Variants in CD84 observed in about 807,000 individuals in gnomAD.
The protein encoded by CD84 is CD84 molecule, also known as SLAM family member 5.
Under a neutral mutation model 33.8 loss-of-function variants are expected in CD84, and 22 were observed. The ratio of observed to expected loss-of-function variants is 0.65; its 90% confidence interval spans 0.46 to 0.93. CD84 has a LOEUF of 0.93. Among genes scored for constraint, CD84 ranks in the 40% least tolerant of loss-of-function variants. The pLI is 0.00. For synonymous variants in CD84, 154 were observed against 145.2 expected (o/e 1.06, Z -0.44); for missense variants, 400 against 397.6 (o/e 1.01, Z -0.05).
At chr1:160,553,541 G>T in intron 3 of CD84, 44 bp from the exon 4 acceptor site, 1 of 1,611,014 alleles carries the variant, frequency 6.2e-7, no homozygotes, top group Non-Finnish European at 8.5e-7. Flanking sequence ...CAGGAAATAG[G>T]CCCAAGAGGC....
intron 3 of CD84, 46 bp from the exon 4 acceptor site, chr1:160,553,543 C>T (rs1391215484): frequency 1.2e-6 from 2 of 1,610,894 alleles, no homozygotes; most frequent in Non-Finnish European, 1.7e-6. Flanking sequence ...GGAAATAGGC[C>T]CAAGAGGCTG....
At chr1:160,567,311 C>T (rs902580275) in intron 1 of CD84, among the ~76,000 whole-genome samples, 5 of 152,208 alleles carry the variant, frequency 3.3e-5, no homozygotes, top group East Asian at 1.9e-4. Flanking sequence ...TATGGCTACC[C>T]TTGCTCTTCA....
Position 160,541,991 on chromosome 1 carries a change from C to G in CD84, c.*6265G>C, listed in dbSNP as rs1655566098. ...GAAGTTGGAATTGACAGGACCTATT[C>G]TCTGACTAGATGTAGAGGGGATCTG... is the stretch of plus-strand genomic sequence containing the variant. On this transcript the variant is annotated 3_prime_UTR_variant, in exon 7 of 7. Transcript: ENST00000368054. 6.6e-6 allele frequency: 1 copy of G among 152,226 alleles called. No individual in the cohort carries two copies. Among genetic ancestry groups the G allele is most frequent in the Non-Finnish European group, 1.5e-5 (1 of 68,066 alleles). The allele number at this position is 152,226 out of a possible 1,614,324, so 9.4% of individuals were successfully genotyped here. A position where few individuals can be genotyped will look rare whatever the true frequency, so the allele number is the denominator to read the frequency against.
intron 1 of CD84, among the ~76,000 whole-genome samples, chr1:160,577,213 G>A (rs1172425674): frequency 6.6e-6 from 1 of 152,114 alleles, no homozygotes; most frequent in Non-Finnish European, 1.5e-5. Flanking sequence ...GGGAAATGGG[G>A]ATTTCTCCCT....
intron 5 of CD84, among the ~76,000 whole-genome samples, chr1:160,550,276 A>G (rs898902384): frequency 2.0e-5 from 3 of 151,960 alleles, no homozygotes; most frequent in Non-Finnish European, 4.4e-5. Context: ...TTAGCTTTCC[A>G]TGGGCTCTAT....
rs199805741 is a variant in CD84, at chr1:160,548,327, C to T, written c.922-6G>A. 13 of 1,614,030 alleles carry T rather than the reference C, an allele frequency of 8.1e-6. No individual in the cohort carries two copies. The highest frequency in any genetic ancestry group is 1.0e-5 in the Non-Finnish European group (12 of 1,180,010). On this transcript the variant is annotated splice_region_variant and splice_polypyrimidine_tract_variant and intron_variant, in intron 6 of 6. Coordinates refer to ENST00000368054, the MANE Select transcript of CD84 (RefSeq NM_003874.4). ...TGTGTGCTGGCTTTCCCCATCTGTG[C>T]AGGAGAGAAGCGTGAGAAAATGTTA...
At chr1:160,577,935 T>C (rs958419664) in intron 1 of CD84, among the ~76,000 whole-genome samples, 1 of 152,146 alleles carries the variant, frequency 6.6e-6, no homozygotes, top group African/African-American at 2.4e-5. Flanking sequence ...GAAAGAAGTG[T>C]ATCCTAGAGC....
At chr1:160,577,417 C>T (rs979529899) in intron 1 of CD84, among the ~76,000 whole-genome samples, 4 of 152,146 alleles carry the variant, frequency 2.6e-5, no homozygotes, top group Admixed American at 2.6e-4. Context: ...ACAGATAATT[C>T]AGTAAAGGTG....
chr1:160,551,078 G>GT (rs572194057), intron 4 of CD84, 43 bp from the exon 5 acceptor site: 66 of 1,436,174 alleles, frequency 4.6e-5, no homozygotes, highest in East Asian at 2.0e-4. Context: ...GTGAAAGGTG[G>GT]TTTTTTTAGC....
At position 160,549,947 on chromosome 1, in the gene CD84, T is replaced by C. The variant is rs758203327; in HGVS notation, c.891A>G (p.Thr297=). 5.0e-6 allele frequency: 8 copies of C among 1,613,158 alleles called. No homozygotes were observed. The highest frequency in any genetic ancestry group is 8.5e-7 in the Non-Finnish European group (1 of 1,179,198). The change falls in exon 6 of 7, where the codon ACA becomes ACG. Residue 297 remains threonine, a synonymous_variant. Transcript: ENST00000368054. ...VLPSKEEPVN[T]VYSEVQFADK... ...CAGCAAACTGCACTTCGGAATAAAC[T>C]GTGTTCACTGGCTCTTCCTTGGAGG...
At chr1:160,564,185 C>T (rs946752679) in intron 2 of CD84, among the ~76,000 whole-genome samples, 2 of 152,090 alleles carry the variant, frequency 1.3e-5, no homozygotes, top group Non-Finnish European at 1.5e-5. Context: ...TTTTACCTTT[C>T]AAAAGCACTT....
chr1:160,566,180 CCTGTG>C, intron 1 of CD84, among the ~76,000 whole-genome samples: 1 of 152,058 alleles, frequency 6.6e-6, no homozygotes, highest in Non-Finnish European at 1.5e-5. Context: ...TTTTTATTTT[CCTGTG>C]ATCTCTGTAA....
intron 2 of CD84, among the ~76,000 whole-genome samples, chr1:160,556,026 A>G (rs1656586833): frequency 6.6e-6 from 1 of 152,170 alleles, no homozygotes; most frequent in African/African-American, 2.4e-5. Flanking sequence ...ATCAATTAGT[A>G]GAAAGTGAAC....
Position 160,543,403 on chromosome 1 carries a change from T to A in CD84, c.*4853A>T, listed in dbSNP as rs1655646271. Reference sequence around the variant, plus strand: ...GACAAGAAGTCTTGAATTCAAATACTGTCTTCCCAGCTTTCCAGATTTGCC... The same window carrying A: ...GACAAGAAGTCTTGAATTCAAATACAGTCTTCCCAGCTTTCCAGATTTGCC... On this transcript the variant is annotated 3_prime_UTR_variant, in exon 7 of 7. Transcript: ENST00000368054. The A allele has an allele frequency of 6.6e-6, 1 of 152,132 alleles. No homozygotes were observed. The highest frequency in any genetic ancestry group is 1.9e-4 in the East Asian group (1 of 5,208). The allele number at this position is 152,132 out of a possible 1,614,324, so 9.4% of individuals were successfully genotyped here. A position where few individuals can be genotyped will look rare whatever the true frequency, so the allele number is the denominator to read the frequency against.
chr1:160,552,455 G>C (rs969822298), intron 4 of CD84, among the ~76,000 whole-genome samples: 5 of 152,186 alleles, frequency 3.3e-5, no homozygotes, highest in Non-Finnish European at 7.3e-5. Context: ...ATTGGGCCAA[G>C]TATTTTGTAT....
intron 1 of CD84, 89 bp downstream of exon 1, chr1:160,579,303 A>T: frequency 6.3e-7 from 1 of 1,585,204 alleles, no homozygotes; most frequent in Non-Finnish European, 8.6e-7. Context: ...CTAAACACAG[A>T]TCAAAAAGAC....
intron 2 of CD84, among the ~76,000 whole-genome samples, chr1:160,555,046 T>TA (rs1656511071): frequency 6.6e-6 from 1 of 151,698 alleles, no homozygotes; most frequent in Admixed American, 6.6e-5. Context: ...AAGAGCTAAT[T>TA]AAATATTTAT....
chr1:160,569,072 A>T (rs779360722), intron 1 of CD84, among the ~76,000 whole-genome samples: 25 of 152,248 alleles, frequency 1.6e-4, no homozygotes, highest in Non-Finnish European at 2.9e-4. Flanking sequence ...ATATATTAAC[A>T]TTCATCGTAT....
intron 4 of CD84, chr1:160,552,851 C>T (rs1053727386): frequency 3.2e-5 from 24 of 754,428 alleles, no homozygotes; most frequent in Middle Eastern, 2.2e-4. Context: ...GTGGGTGAAT[C>T]GGAGGGTATA....
Sources: gnomAD v4.1 joint callset for allele counts (sites outside exome capture counted in the v4.1 genomes callset) on GRCh38, gnomAD v4.1.1 for gene constraint, MANE v1.5 for transcripts, NCBI Gene and HGNC (gene_info 2026-07-23, HGNC 2026-07-21) for gene names.